The following ZNF250 variants were observed in gnomAD, a reference collection of about 807,000 sequenced individuals.
The protein encoded by ZNF250 is zinc finger protein 250.
In ZNF250, 13 loss-of-function variants were observed where a neutral mutation model predicts 37.1. The observed-to-expected ratio is 0.35, with a 90% CI of 0.23 to 0.56. ZNF250 has a LOEUF of 0.56. ZNF250 is among the 20% of genes least tolerant of loss of function. The pLI is 0.87. For synonymous variants in ZNF250, 251 were observed against 265.6 expected (o/e 0.94, Z 0.54); for missense variants, 474 against 697.9 (o/e 0.68, Z 3.61).
Position 144,897,299 on chromosome 8 carries a change from A to G in ZNF250, c.-55+4100T>C, listed in dbSNP as rs971120852. Among the ~76,000 whole-genome samples the G allele has an allele frequency of 6.6e-6, 1 of 152,162 alleles. No homozygotes were observed. The highest frequency in any genetic ancestry group is 1.5e-5 in the Non-Finnish European group (1 of 68,028). ...CAAGCACTGCTCCCTCTTCATCACCAAGGAGCCCCTACCCGCTAGGGTGAA... is the reference window on the plus strand; with the variant it reads ...CAAGCACTGCTCCCTCTTCATCACCGAGGAGCCCCTACCCGCTAGGGTGAA... On this transcript the variant is annotated intron_variant, in intron 1 of 5. Coordinates refer to ENST00000417550, the MANE Select transcript of ZNF250 (RefSeq NM_001109689.4). The surrounding 1 kb of genome is among the most constrained non-coding windows in gnomAD (Gnocchi z 5.2).
At position 144,877,123 on chromosome 8, in the gene ZNF250, C is replaced by G. The variant is rs1831175771; in HGVS notation, c.*4392G>C. On this transcript the variant is annotated 3_prime_UTR_variant, in exon 6 of 6. Coordinates refer to ENST00000417550, the MANE Select transcript of ZNF250 (RefSeq NM_001109689.4). ...AGAAATATATACGTATTTTTTGTGA[C>G]AAGGTCTCTCTCTGTTGTCCAGGCT... 1 of 152,160 alleles carries G rather than the reference C, an allele frequency of 6.6e-6. No individual in the cohort carries two copies. The highest frequency in any genetic ancestry group is 2.4e-5 in the African/African-American group (1 of 41,444). 9.4% of individuals were successfully genotyped at this position (152,160 alleles called of 1,614,324 possible). A position where few individuals can be genotyped will look rare whatever the true frequency, so the allele number is the denominator to read the frequency against.
At chr8:144,887,689 C>G (rs1304760568) in intron 4 of ZNF250, among the ~76,000 whole-genome samples, 1 of 152,194 alleles carries the variant, frequency 6.6e-6, no homozygotes, top group African/African-American at 2.4e-5. Context: ...GAGCCCAGGA[C>G]TGGTTTGGCA....
rs905682267 is a variant in ZNF250 at position 144,883,706 on chromosome 8, G to T, written c.347-870C>A. 5.9e-5 allele frequency among the ~76,000 whole-genome samples: 9 copies of T among 152,184 alleles called. No homozygotes were observed. The South Asian group carries it at 6.2e-4, about 11-fold the overall frequency. On this transcript the variant is annotated intron_variant, in intron 5 of 5. Coordinates refer to ENST00000417550, the MANE Select transcript of ZNF250 (RefSeq NM_001109689.4). ...GAGGGGAGGGAAGGACAAGACTGAA[G>T]GTGCAGAGGGGCATGATGGGAATCT...
intron 1 of ZNF250, among the ~76,000 whole-genome samples, chr8:144,895,936 G>A (rs943896131): frequency 2.0e-5 from 3 of 148,546 alleles, no homozygotes; most frequent in Admixed American, 1.4e-4. Flanking sequence ...TTGAACCTGG[G>A]AGACAGAGGT....
intron 5 of ZNF250, 134 bp downstream of exon 5, chr8:144,886,706 C>A: frequency 1.5e-6 from 1 of 679,232 alleles, no homozygotes. Context: ...AAGCCCCTCC[C>A]TGGTGTTTTG....
In ZNF250 at chr8:144,882,303, T is replaced by C; in HGVS notation, c.880A>G (p.Ile294Val). The change falls in exon 6 of 6, where the codon ATT (isoleucine) becomes GTT (valine). Residue 294 changes from isoleucine to valine, a missense_variant. This residue lies in a region of ZNF250 where 282 missense variants were observed against 470.4 expected (regional missense o/e 0.60). Coordinates refer to ENST00000417550, the MANE Select transcript of ZNF250 (RefSeq NM_001109689.4). This position sits in a 1 kb window ranked among gnomAD's most constrained non-coding sequence, Gnocchi z 5.5. ...RKAFTQLSHL[I>V]QHQRIHTGER... is the part of the protein sequence containing the mutation. Reference sequence around the variant, plus strand: ...CCCGTGTGGATCCGCTGGTGCTGAATGAGATGTGAGAGTTGAGTGAAGGCT... The same window carrying C: ...CCCGTGTGGATCCGCTGGTGCTGAACGAGATGTGAGAGTTGAGTGAAGGCT... 1 of 1,612,066 alleles carries C rather than the reference T, an allele frequency of 6.2e-7. No homozygotes were observed. The highest frequency in any genetic ancestry group is 8.5e-7 in the Non-Finnish European group (1 of 1,178,292).
intron 4 of ZNF250, among the ~76,000 whole-genome samples, chr8:144,887,639 T>C (rs1244393577): frequency 2.0e-5 from 3 of 152,136 alleles, no homozygotes; most frequent in Admixed American, 6.6e-5. Context: ...CAAAGGCAGT[T>C]TAAGCTCTCC....
At chr8:144,886,714 T>C (rs1831906444) in intron 5 of ZNF250, 126 bp downstream of exon 5, 5 of 744,094 alleles carry the variant, frequency 6.7e-6, no homozygotes, top group East Asian at 2.9e-5. Flanking sequence ...CCCTGGTGTT[T>C]TGTAGCAATT....
rs1477630322 is a variant in ZNF250 at position 144,878,496 on chromosome 8, T to G, written c.*3019A>C. On this transcript the variant is annotated 3_prime_UTR_variant, in exon 6 of 6. Transcript: ENST00000417550. The stretch of plus-strand genomic sequence containing the variant: ...TCTCTTAAGTAACATCTCTGTGATC[T>G]CAGCTTCTAACACCTGAGGGACACC... 1 of 152,246 alleles carries G rather than the reference T, an allele frequency of 6.6e-6. No individual in the cohort carries two copies. The highest frequency in any genetic ancestry group is 1.5e-5 in the Non-Finnish European group (1 of 68,042). 9.4% of individuals were successfully genotyped at this position (152,246 alleles called of 1,614,324 possible). A position where few individuals can be genotyped will look rare whatever the true frequency, so the allele number is the denominator to read the frequency against.
chr8:144,893,621 G>C (rs776951434), intron 1 of ZNF250, among the ~76,000 whole-genome samples: 1 of 152,266 alleles, frequency 6.6e-6, no homozygotes, highest in African/African-American at 2.4e-5. Context: ...TTGAGTCACT[G>C]CGCCTAGCCC....
chr8:144,890,101 T>G lies in ZNF250; in HGVS notation c.43-42A>C. 1 of 1,599,380 alleles carries G rather than the reference T, an allele frequency of 6.3e-7. No individual in the cohort carries two copies. The highest frequency in any genetic ancestry group is 1.1e-5 in the South Asian group (1 of 88,858). ...TGCTGCAGGTAAAACCAAATCCTGA[T>G]GTCTGTGATGGGGAGTGGGTGCATG... On this transcript the variant is annotated intron_variant, in intron 2 of 5. Transcript: ENST00000417550. This position sits in a 1 kb window ranked among gnomAD's most constrained non-coding sequence, Gnocchi z 5.1.
In ZNF250 at chr8:144,881,501, G is replaced by C; in HGVS notation, c.*14C>G. 1 of 1,561,296 alleles carries C rather than the reference G, an allele frequency of 6.4e-7. No homozygotes were observed. Among genetic ancestry groups the C allele is most frequent in the Non-Finnish European group, 8.7e-7 (1 of 1,150,706 alleles). On this transcript the variant is annotated 3_prime_UTR_variant, in exon 6 of 6. Transcript: ENST00000417550. ...GCAGTTTCTGTGAGAATGGATTCTT[G>C]TGTCAGCCATGGGTCACAACTTTCT...
intron 5 of ZNF250, among the ~76,000 whole-genome samples, chr8:144,884,504 G>A (rs570159812): frequency 6.0e-5 from 9 of 151,168 alleles, no homozygotes; most frequent in South Asian, 2.1e-4. Context: ...TACCCACCTC[G>A]GCCTCCCAAA....
intron 1 of ZNF250, among the ~76,000 whole-genome samples, chr8:144,896,522 A>T (rs1832735820): frequency 6.6e-6 from 1 of 152,146 alleles, no homozygotes. Context: ...ATGGACCTCA[A>T]CCTAAACCTT....
chr8:144,893,021 G>A (rs28415729), intron 1 of ZNF250, among the ~76,000 whole-genome samples: 3,992 of 150,502 alleles, frequency 0.027, 227 homozygotes, highest in East Asian at 0.22. Context: ...CAGCACGCTC[G>A]GCTAATTTTT....
At chr8:144,886,309 C>G (rs1831876735) in intron 5 of ZNF250, among the ~76,000 whole-genome samples, 1 of 152,174 alleles carries the variant, frequency 6.6e-6, no homozygotes, top group South Asian at 2.1e-4. Flanking sequence ...TGTCTCTACA[C>G]TGCACTCCAG....
chr8:144,899,473 T>C (rs535327925), intron 1 of ZNF250, among the ~76,000 whole-genome samples: 1 of 152,332 alleles, frequency 6.6e-6, no homozygotes, highest in Admixed American at 6.5e-5. Context: ...ATGCTATCCT[T>C]GTATCAAAAT....
At chr8:144,888,995 C>T (rs1344987065) in intron 4 of ZNF250, among the ~76,000 whole-genome samples, 2 of 152,156 alleles carry the variant, frequency 1.3e-5, no homozygotes, top group Non-Finnish European at 2.9e-5. Context: ...GTCTTGATCT[C>T]CTGACCTCGT....
intron 1 of ZNF250, among the ~76,000 whole-genome samples, chr8:144,899,411 T>C (rs552867822): frequency 2.2e-4 from 34 of 152,342 alleles, no homozygotes; most frequent in Middle Eastern, 3.4e-3. Context: ...CAAAAAATGA[T>C]GTTTGAGGTG....
Sources: allele counts gnomAD v4.1 joint callset (sites outside exome capture counted in the v4.1 genomes callset), GRCh38; gene constraint gnomAD v4.1.1; regional missense constraint gnomAD v4.1.1; non-coding constraint Gnocchi (gnomAD v3.1); transcripts MANE v1.5; gene names NCBI Gene and HGNC (gene_info 2026-07-23, HGNC 2026-07-21).